The following LRGUK variants were observed in gnomAD, a reference collection of about 807,000 sequenced individuals.
The protein encoded by LRGUK is leucine rich repeats and guanylate kinase domain containing.
In LRGUK, 65 loss-of-function variants were observed where a neutral mutation model predicts 76.0. That is an observed-to-expected ratio of 0.85 (90% CI 0.70 to 1.05). The LOEUF (loss-of-function observed/expected upper bound fraction) is 1.05, where lower values mean the gene tolerates loss of function less well. LRGUK is among the 50% of genes least tolerant of loss of function. The pLI, the probability that LRGUK is intolerant of heterozygous loss-of-function variation, is 0.00. For missense variants in LRGUK, 758 were observed against 732.8 expected, an observed-to-expected ratio of 1.03 and a Z score of -0.40; for synonymous variants, 268 against 265.6, an observed-to-expected ratio of 1.01 and a Z score of -0.09.
At chr7:134,130,025 C>T (rs1797231032) in intron 1 of LRGUK, among the ~76,000 whole-genome samples, 1 of 151,978 alleles carries the variant, frequency 6.6e-6, no homozygotes. Flanking sequence ...TAATGTCCTT[C>T]TGTTCACTTT....
At chr7:134,245,764 CAAATAATA>C (rs1157873041) in intron 16 of LRGUK, among the ~76,000 whole-genome samples, 2 of 151,938 alleles carry the variant, frequency 1.3e-5, no homozygotes, top group African/African-American at 2.4e-5. Context: ...TGATTCCCAG[CAAATAATA>C]AATTCACGGG....
intron 12 of LRGUK, among the ~76,000 whole-genome samples, chr7:134,194,724 C>T (rs1222417): frequency 0.56 from 84,989 of 151,924 alleles, 24,594 homozygotes; most frequent in African/African-American, 0.63. Flanking sequence ...CTGTGTAACA[C>T]AGCAAGACTC....
chr7:134,193,637 C>T (rs1456972570), intron 12 of LRGUK, among the ~76,000 whole-genome samples: 5 of 152,272 alleles, frequency 3.3e-5, no homozygotes, highest in East Asian at 3.9e-4. Context: ...TTTTCTTGAA[C>T]TTGAATTGTG....
chr7:134,127,803 TC>T, intron 1 of LRGUK, 139 bp downstream of exon 1: 1 of 924,160 alleles, frequency 1.1e-6, no homozygotes, highest in South Asian at 1.8e-5. Flanking sequence ...GAACGCCTCT[TC>T]CCCCTCTTTT....
chr7:134,175,145 C>T (rs1035002881), intron 8 of LRGUK, among the ~76,000 whole-genome samples: 1 of 152,076 alleles, frequency 6.6e-6, no homozygotes, highest in Non-Finnish European at 1.5e-5. Flanking sequence ...ATACATTTCC[C>T]AGGAGTTCTT....
intron 15 of LRGUK, among the ~76,000 whole-genome samples, chr7:134,219,654 A>C (rs145418622): frequency 2.1e-3 from 322 of 152,228 alleles, no homozygotes; most frequent in Non-Finnish European, 3.3e-3. Context: ...TCCAAAAGAT[A>C]AATTAGCACA....
chr7:134,143,925 G>A (rs1252341870), intron 4 of LRGUK, among the ~76,000 whole-genome samples: 1 of 152,162 alleles, frequency 6.6e-6, no homozygotes, highest in Non-Finnish European at 1.5e-5. Context: ...CATGCCACTG[G>A]TCCATCGGTC....
intron 19 of LRGUK, among the ~76,000 whole-genome samples, chr7:134,261,384 C>A (rs552005112): frequency 6.6e-6 from 1 of 152,036 alleles, no homozygotes; most frequent in Admixed American, 6.5e-5. Flanking sequence ...CAAATTAGAT[C>A]ATTTCGTATC....
intron 7 of LRGUK, among the ~76,000 whole-genome samples, chr7:134,168,844 A>G (rs1048776456): frequency 6.6e-6 from 1 of 152,048 alleles, no homozygotes; most frequent in African/African-American, 2.4e-5. Flanking sequence ...TTAGAGGCAG[A>G]GTGTCCCATT....
chr7:134,219,598 C>G (rs2117149339), intron 15 of LRGUK, among the ~76,000 whole-genome samples: 1 of 152,162 alleles, frequency 6.6e-6, no homozygotes, highest in Middle Eastern at 3.4e-3. Flanking sequence ...TAGTCTTTTT[C>G]CTAATGCGCT....
At chr7:134,223,071 T>C (rs1801643059) in intron 16 of LRGUK, among the ~76,000 whole-genome samples, 1 of 152,204 alleles carries the variant, frequency 6.6e-6, no homozygotes, top group South Asian at 2.1e-4. Flanking sequence ...ACAATAGTTG[T>C]TGGGTGTTCT....
At chr7:134,165,405 G>C (rs980423441) in intron 7 of LRGUK, among the ~76,000 whole-genome samples, 1 of 152,164 alleles carries the variant, frequency 6.6e-6, no homozygotes, top group African/African-American at 2.4e-5. Flanking sequence ...TCTGCAGGGT[G>C]ATATAGTGCA....
In LRGUK at chr7:134,208,397, T is replaced by G. The variant is rs141675861; in HGVS notation, c.1844-310T>G. Among the ~76,000 whole-genome samples the G allele has an allele frequency of 9.7e-4, 147 of 152,284 alleles. 4 individuals carry two copies. The East Asian group carries it at 0.024, about 25-fold the overall frequency. On this transcript the variant is annotated intron_variant, in intron 15 of 15. Transcript: ENST00000645682. ...TTTAAAGTCTCATTCACTTGGAAAA[T>G]GTCTCACCACCCACAAATCTGGATG...
chr7:134,177,032 T>C (rs1317401007), exon 9 of LRGUK: 1 of 1,601,294 alleles, frequency 6.2e-7, no homozygotes, highest in Admixed American at 1.7e-5. Flanking sequence ...TTAACAGAAT[T>C]AGATCAGAAG....
intron 16 of LRGUK, among the ~76,000 whole-genome samples, chr7:134,240,854 C>T (rs974463848): frequency 1.1e-4 from 16 of 152,190 alleles, no homozygotes; most frequent in Admixed American, 8.5e-4. Context: ...CAGCGGATAT[C>T]TCAGCAGAAA....
At chr7:134,192,420 G>A (rs1054189956) in intron 12 of LRGUK, among the ~76,000 whole-genome samples, 6 of 152,210 alleles carry the variant, frequency 3.9e-5, no homozygotes, top group Non-Finnish European at 8.8e-5. Context: ...CCATGCATTA[G>A]TCTATTTCAC....
intron 12 of LRGUK, among the ~76,000 whole-genome samples, chr7:134,196,634 C>G (rs1398725209): frequency 1.3e-5 from 2 of 152,156 alleles, no homozygotes; most frequent in Non-Finnish European, 2.9e-5. Context: ...CAGTAAAGGG[C>G]AGGCCATTAG....
intron 5 of LRGUK, among the ~76,000 whole-genome samples, chr7:134,156,660 G>A (rs903266849): frequency 6.6e-6 from 1 of 152,120 alleles, no homozygotes; most frequent in Non-Finnish European, 1.5e-5. Flanking sequence ...TTATAGTGAA[G>A]GGCCTTAGAT....
chr7:134,148,304 A>C (rs1798064049), exon 5 of LRGUK: 1 of 1,588,922 alleles, frequency 6.3e-7, no homozygotes, highest in African/African-American at 1.4e-5. Flanking sequence ...TGCTCTCACT[A>C]AACTAATTTT....
Sources: gnomAD v4.1 joint callset for allele counts (sites outside exome capture counted in the v4.1 genomes callset) on GRCh38, gnomAD v4.1.1 for gene constraint, MANE v1.5 for transcripts, NCBI Gene and HGNC (gene_info 2026-07-23, HGNC 2026-07-21) for gene names.